UGGT1: variants seen among roughly 807,000 people sequenced by gnomAD.
The protein encoded by UGGT1 is UDP-glucose:glycoprotein glucosyltransferase 1.
Under a neutral mutation model 203.9 loss-of-function variants are expected in UGGT1, and 107 were observed. The ratio of observed to expected loss-of-function variants is 0.52; its 90% CI spans 0.45 to 0.62. UGGT1 has a LOEUF of 0.62. Ranked by LOEUF, UGGT1 falls within the 20% of genes least tolerant of loss-of-function variation. The pLI is 0.00. For synonymous variants in UGGT1, 628 were observed against 653.5 expected (o/e 0.96, Z 0.59); for missense variants, 1,673 against 1,867.2 (o/e 0.90, Z 1.92).
chr2:128,129,513 C>G (rs1411979436), intron 13 of UGGT1, among the ~76,000 whole-genome samples: 1 of 151,708 alleles, frequency 6.6e-6, no homozygotes, highest in African/African-American at 2.4e-5. Context: ...ATTCTCCTGC[C>G]TCAGCCTCCC....
rs140768378 is a variant in UGGT1, at chr2:128,154,329, G to A, written c.2138-1160G>A. Among the ~76,000 whole-genome samples the A allele has an allele frequency of 1.8e-3, 279 of 152,228 alleles. 1 individual carries two copies. Among genetic ancestry groups the A allele is most frequent in the Admixed American group, 5.1e-3 (78 of 15,296 alleles). On this transcript the variant is annotated intron_variant, in intron 19 of 40. Coordinates refer to ENST00000259253, the MANE Select transcript of UGGT1 (RefSeq NM_020120.4). ...ACACATGAATAAGGAACATAATAGC[G>A]GTTTTGTTTTTGAATTTCCTTTTCC...
Position 128,157,271 on chromosome 2 carries a change from A to G in UGGT1, c.2280A>G (p.Pro760=), listed in dbSNP as rs754767237. ...KEIYDDSFIR[P]VTFWIVGDFD... ...CTACAGATGATTCTTTTATTAGGCC[A>G]GTAACTTTTTGGATTGTTGGGGATT... The change falls in exon 22 of 41, where the codon CCA becomes CCG. Residue 760 remains proline, a synonymous_variant. Transcript: ENST00000259253. The G allele has an allele frequency of 7.4e-6, 12 of 1,614,102 alleles. No homozygotes were observed. In the South Asian group the frequency reaches 1.3e-4, roughly 18 times the overall value.
chr2:128,152,642 A>G, intron 18 of UGGT1, 142 bp from the exon 19 acceptor site: 1 of 1,170,280 alleles, frequency 8.5e-7, no homozygotes, highest in Non-Finnish European at 1.2e-6. Flanking sequence ...ACAGGGACCA[A>G]TAACATAGTA....
intron 30 of UGGT1, 50 bp from the exon 31 acceptor site, chr2:128,174,723 A>T (rs374203958): frequency 2.2e-5 from 30 of 1,392,478 alleles, no homozygotes; most frequent in African/African-American, 2.9e-5. Flanking sequence ...CTCAGAAATA[A>T]CATTTTGGTG....
intron 18 of UGGT1, chr2:128,151,452 C>G: frequency 5.7e-6 from 2 of 350,016 alleles, no homozygotes; most frequent in Non-Finnish European, 1.1e-5. Flanking sequence ...TAATATTGAC[C>G]AAAGTTGTAT....
At chr2:128,171,509 TTTTC>T (rs1691100402) in intron 28 of UGGT1, 2 of 479,038 alleles carry the variant, frequency 4.2e-6, no homozygotes, top group Non-Finnish European at 7.4e-6. Context: ...CATTTGTGCC[TTTTC>T]TTTCTTTTTT....
At chr2:128,155,679 G>A (rs989389271) in intron 20 of UGGT1, 92 bp downstream of exon 20, 57 of 923,798 alleles carry the variant, frequency 6.2e-5, no homozygotes, top group Admixed American at 1.3e-4. Context: ...AGAGAAAAGG[G>A]AAAGAGACTT....
intron 8 of UGGT1, 123 bp from the exon 9 acceptor site, chr2:128,120,233 T>C (rs1466698130): frequency 2.6e-6 from 2 of 783,486 alleles, no homozygotes; most frequent in Non-Finnish European, 4.2e-6. Flanking sequence ...TTTTTCCCCC[T>C]ATGTCGTAGA....
chr2:128,173,671 C>A, intron 29 of UGGT1, 110 bp from the exon 30 acceptor site: 1 of 1,228,112 alleles, frequency 8.1e-7, no homozygotes, highest in Non-Finnish European at 1.1e-6. Context: ...AAAATATGAT[C>A]ATATATTATG....
chr2:128,188,287 G>A (rs990945123), intron 40 of UGGT1, among the ~76,000 whole-genome samples: 2 of 151,682 alleles, frequency 1.3e-5, no homozygotes, highest in Non-Finnish European at 2.9e-5. Flanking sequence ...CAAGTGATCC[G>A]CCCGCCTCAG....
At chr2:128,131,084 T>C (rs570826015) in intron 13 of UGGT1, among the ~76,000 whole-genome samples, 2 of 150,798 alleles carry the variant, frequency 1.3e-5, no homozygotes, top group East Asian at 3.9e-4. Flanking sequence ...AATACAAAAA[T>C]TAGCTGGGCG....
chr2:128,127,562 C>A, intron 12 of UGGT1, 110 bp downstream of exon 12: 3 of 797,140 alleles, frequency 3.8e-6, no homozygotes, highest in South Asian at 1.7e-5. Flanking sequence ...AGTCTGATGG[C>A]TTACCAGCCC....
intron 11 of UGGT1, among the ~76,000 whole-genome samples, chr2:128,124,738 T>C (rs4662779): frequency 0.89 from 134,925 of 151,516 alleles, 61,064 homozygotes; most frequent in Non-Finnish European, 0.98. Flanking sequence ...GTGTATCTTT[T>C]TTCCTTTAGT....
At chr2:128,180,313 T>G (rs927932399) in intron 35 of UGGT1, among the ~76,000 whole-genome samples, 3 of 152,234 alleles carry the variant, frequency 2.0e-5, no homozygotes, top group Non-Finnish European at 4.4e-5. Flanking sequence ...TATCAGTCAG[T>G]ATTTGTCATC....
intron 25 of UGGT1, among the ~76,000 whole-genome samples, chr2:128,161,636 A>C (rs1403090597): frequency 6.6e-6 from 1 of 152,176 alleles, no homozygotes; most frequent in East Asian, 1.9e-4. Context: ...TATTTTGTTC[A>C]GGAAAGGAAA....
intron 8 of UGGT1, 131 bp from the exon 9 acceptor site, chr2:128,120,225 T>A: frequency 1.4e-6 from 1 of 701,998 alleles, no homozygotes; most frequent in Middle Eastern, 2.8e-4. Flanking sequence ...TACTTCATTT[T>A]TTCCCCCTAT....
chr2:128,096,142 C>T (rs1687107616), intron 1 of UGGT1, among the ~76,000 whole-genome samples: 1 of 152,144 alleles, frequency 6.6e-6, no homozygotes, highest in Non-Finnish European at 1.5e-5. Flanking sequence ...CTTGGAGCGG[C>T]TGCGGAGGGT....
At chr2:128,099,841 G>A (rs1687284468) in intron 2 of UGGT1, among the ~76,000 whole-genome samples, 1 of 152,022 alleles carries the variant, frequency 6.6e-6, no homozygotes, top group Admixed American at 6.6e-5. Context: ...CTTATTATGG[G>A]GGAAAAAAGC....
At chr2:128,108,574 GACA>G (rs1687709232) in intron 4 of UGGT1, among the ~76,000 whole-genome samples, 2 of 99,352 alleles carry the variant, frequency 2.0e-5, no homozygotes, top group Admixed American at 2.3e-4. Flanking sequence ...CTTAAGAAGA[GACA>G]GTCAAAGATG....
Sources: gnomAD v4.1 joint callset for allele counts (sites outside exome capture counted in the v4.1 genomes callset) on GRCh38, gnomAD v4.1.1 for gene constraint, MANE v1.5 for transcripts, NCBI Gene and HGNC (gene_info 2026-07-23, HGNC 2026-07-21) for gene names.